Variants in ROBO2 observed in about 807,000 individuals in gnomAD.
The protein encoded by ROBO2 is roundabout homolog 2.
ROBO2 carries 53 observed loss-of-function variants against 160.8 expected under a neutral mutation model. The ratio of observed to expected loss-of-function variants is 0.33; its 90% CI spans 0.26 to 0.41. ROBO2 has a LOEUF of 0.41. Ranked by LOEUF, ROBO2 falls within the 10% of genes least tolerant of loss-of-function variation. The pLI is 1.00. For missense variants in ROBO2, 1,577 were observed against 1,722.4 expected (o/e 0.92, Z 1.49); for synonymous variants, 664 against 611.7 (o/e 1.09, Z -1.26).
At chr3:77,391,619 A>C (rs1392398279) in intron 2 of ROBO2, among the ~76,000 whole-genome samples, 1 of 152,142 alleles carries the variant, frequency 6.6e-6, no homozygotes, top group Non-Finnish European at 1.5e-5. Flanking sequence ...TCTCTCTCTT[A>C]TGACACATGG....
chr3:77,545,272 C>T (rs1364943359), intron 6 of ROBO2, among the ~76,000 whole-genome samples: 2 of 152,032 alleles, frequency 1.3e-5, no homozygotes, highest in Non-Finnish European at 2.9e-5. Context: ...TAACTTGGAC[C>T]CTCCATCCTG....
intron 2 of ROBO2, among the ~76,000 whole-genome samples, chr3:77,323,435 A>G (rs1457257877): frequency 4.6e-5 from 7 of 152,146 alleles, no homozygotes; most frequent in Non-Finnish European, 8.8e-5. Context: ...CTCCATGCTA[A>G]TAGAATAACA....
At chr3:76,676,131 A>G (rs1212697557) in intron 2 of ROBO2, among the ~76,000 whole-genome samples, 1 of 152,116 alleles carries the variant, frequency 6.6e-6, no homozygotes, top group Non-Finnish European at 1.5e-5. Flanking sequence ...TGGTTTGGCC[A>G]TGTCCCCACC....
chr3:76,925,210 C>CAAAAAAAAAA (rs147022230), intron 2 of ROBO2, among the ~76,000 whole-genome samples: 2 of 61,878 alleles, frequency 3.2e-5, no homozygotes, highest in African/African-American at 6.6e-5. Context: ...GACTCCGTCT[C>CAAAAAAAAAA]AAAAAAAAAA....
intron 2 of ROBO2, among the ~76,000 whole-genome samples, chr3:76,258,050 A>G (rs948138950): frequency 2.6e-5 from 4 of 152,080 alleles, no homozygotes; most frequent in African/African-American, 9.7e-5. Context: ...CTGTTAGCCT[A>G]GAGAAACTCA....
intron 2 of ROBO2, among the ~76,000 whole-genome samples, chr3:76,848,007 A>AT (rs1427677755): frequency 3.3e-5 from 5 of 152,154 alleles, no homozygotes; most frequent in African/African-American, 1.2e-4. Flanking sequence ...AAAATGTTTA[A>AT]TTGCAATAAA....
chr3:77,039,728 C>A (rs536242180), upstream of ROBO2, among the ~76,000 whole-genome samples: 112 of 152,164 alleles, frequency 7.4e-4, no homozygotes, highest in African/African-American at 2.6e-3. Context: ...CTCCGCGCGC[C>A]CCTCCTCGCC....
intron 5 of ROBO2, among the ~76,000 whole-genome samples, chr3:77,516,648 G>T (rs1483967563): frequency 1.4e-5 from 2 of 143,410 alleles, no homozygotes; most frequent in Non-Finnish European, 3.1e-5. Context: ...TGTGTAGATT[G>T]CCACTCAAAT....
chr3:76,788,073 A>G (rs553396094), intron 2 of ROBO2, among the ~76,000 whole-genome samples: 8 of 151,422 alleles, frequency 5.3e-5, no homozygotes, highest in African/African-American at 1.9e-4. Context: ...CCTTCCCATC[A>G]TATTTCCAAA....
intron 2 of ROBO2, among the ~76,000 whole-genome samples, chr3:76,911,772 T>C (rs537052996): frequency 1.3e-5 from 2 of 151,246 alleles, no homozygotes; most frequent in South Asian, 4.1e-4. Context: ...TTCTATAAGA[T>C]TTCCAAAAAG....
chr3:76,252,319 T>C (rs1405471771), intron 2 of ROBO2, among the ~76,000 whole-genome samples: 2 of 152,034 alleles, frequency 1.3e-5, no homozygotes, highest in African/African-American at 2.4e-5. Flanking sequence ...CCAGACGTAA[T>C]TGGTGCTATT....
intron 2 of ROBO2, among the ~76,000 whole-genome samples, chr3:76,827,765 C>A (rs1167912875): frequency 6.6e-6 from 1 of 151,864 alleles, no homozygotes; most frequent in Admixed American, 6.6e-5. Context: ...TTGACGCACC[C>A]ACAAACTCAT....
chr3:76,742,961 G>T (rs1007943365), intron 2 of ROBO2, among the ~76,000 whole-genome samples: 1 of 151,964 alleles, frequency 6.6e-6, no homozygotes, highest in African/African-American at 2.4e-5. Flanking sequence ...TGAAACATGA[G>T]CAAATTACTA....
chr3:77,429,168 A>G (rs1444414550), intron 2 of ROBO2, among the ~76,000 whole-genome samples: 1 of 152,230 alleles, frequency 6.6e-6, no homozygotes, highest in Non-Finnish European at 1.5e-5. Flanking sequence ...TGCATTCAAA[A>G]GTATTCCTGG....
At chr3:75,987,802 C>T (rs1305629210) in intron 2 of ROBO2, among the ~76,000 whole-genome samples, 1 of 151,832 alleles carries the variant, frequency 6.6e-6, no homozygotes, top group Non-Finnish European at 1.5e-5. Flanking sequence ...GACAATTATG[C>T]TTATTTTTTC....
In ROBO2 at chr3:76,678,401, C is replaced by T. The variant is rs181609510; in HGVS notation, c.110-419613C>T. The stretch of plus-strand genomic sequence containing the variant: ...CTTGGTGTTAATGGATTGAGATTTG[C>T]GCTGGTCCAAGGTAAACTATTGTGT... On this transcript the variant is annotated intron_variant, in intron 2 of 26. Transcript: ENST00000487694. Among the ~76,000 whole-genome samples the T allele has an allele frequency of 1.1e-4, 17 of 151,966 alleles. No homozygotes were observed. In the East Asian group the frequency reaches 2.7e-3, roughly 24 times the overall value.
intron 2 of ROBO2, among the ~76,000 whole-genome samples, chr3:76,096,383 A>G (rs1414942450): frequency 6.6e-6 from 1 of 152,204 alleles, no homozygotes; most frequent in Non-Finnish European, 1.5e-5. Flanking sequence ...AAATCTCCCC[A>G]GAAGAGGTAT....
At chr3:76,893,366 C>T (rs2074507192) in intron 2 of ROBO2, among the ~76,000 whole-genome samples, 1 of 151,816 alleles carries the variant, frequency 6.6e-6, no homozygotes, top group South Asian at 2.1e-4. Flanking sequence ...ACCAGACTAG[C>T]TGAATTCATT....
intron 2 of ROBO2, among the ~76,000 whole-genome samples, chr3:76,449,464 T>C (rs2077363998): frequency 6.6e-6 from 1 of 152,102 alleles, no homozygotes; most frequent in South Asian, 2.1e-4. Flanking sequence ...TTTGCTACCC[T>C]ACATGCTGGG....
Sources: gnomAD v4.1 joint callset for allele counts (sites outside exome capture counted in the v4.1 genomes callset) on GRCh38, gnomAD v4.1.1 for gene constraint, MANE v1.5 for transcripts, NCBI Gene and HGNC (gene_info 2026-07-23, HGNC 2026-07-21) for gene names.